The following NECAP1 variants were observed in gnomAD, a reference collection of about 807,000 sequenced individuals.
The protein encoded by NECAP1 is adaptin ear-binding coat-associated protein 1.
In NECAP1, 13 loss-of-function variants were observed where a neutral mutation model predicts 33.4. That is an observed-to-expected ratio of 0.39 (90% confidence interval 0.25 to 0.62). The LOEUF (loss-of-function observed/expected upper bound fraction) is 0.62. Ranked by LOEUF, NECAP1 falls within the 20% of genes least tolerant of loss-of-function variation. The pLI is 0.52. For synonymous variants in NECAP1, 109 were observed against 125.2 expected, an observed-to-expected ratio of 0.87 and a Z score of 0.86; for missense variants, 272 against 347.4, an observed-to-expected ratio of 0.78 and a Z score of 1.73.
In NECAP1 at chr12:8,082,311, A is replaced by T. The variant is rs1239591761; in HGVS notation, c.23A>T (p.Glu8Val). The change falls in exon 1 of 8, where the codon GAG becomes GTG. Residue 8 changes from glutamate to valine, a missense_variant. Transcript: ENST00000339754. ...AAGATGGCGACCGAGTTGGAGTACG[A>T]GTCTGTGCTGTGTGTGAAGCCAGAC... MATELEYESVLCVKPDVS... is the reference protein window; with the variant it reads MATELEYVSVLCVKPDVS... 1 of 1,612,444 alleles carries T rather than the reference A, an allele frequency of 6.2e-7. No individual in the cohort carries two copies. The highest frequency in any genetic ancestry group is 8.5e-7 in the Non-Finnish European group (1 of 1,178,578).
intron 1 of NECAP1, among the ~76,000 whole-genome samples, chr12:8,085,237 C>T (rs923278443): frequency 1.3e-5 from 2 of 152,192 alleles, no homozygotes; most frequent in African/African-American, 4.8e-5. Flanking sequence ...CCAGGCTGGT[C>T]TCAAACTCTT....
At chr12:8,088,802 T>C (rs1947515547) in intron 1 of NECAP1, 1 of 152,252 alleles carries the variant, frequency 6.6e-6, no homozygotes, top group Admixed American at 6.5e-5. Flanking sequence ...TGCTTCCTTG[T>C]TGTCTCTCAA....
intron 1 of NECAP1, among the ~76,000 whole-genome samples, chr12:8,085,607 C>T (rs898060984): frequency 4.0e-5 from 6 of 151,708 alleles, no homozygotes; most frequent in African/African-American, 1.5e-4. Context: ...GGCAAATCAC[C>T]ACTTTTGAAT....
At chr12:8,087,672 C>T (rs1241514444) in intron 1 of NECAP1, among the ~76,000 whole-genome samples, 3 of 151,848 alleles carry the variant, frequency 2.0e-5, no homozygotes, top group Admixed American at 6.6e-5. Flanking sequence ...TAGGCGTGAG[C>T]CACGGTGCCT....
chr12:8,086,483 G>A (rs1026326866), intron 1 of NECAP1, among the ~76,000 whole-genome samples: 2 of 151,680 alleles, frequency 1.3e-5, no homozygotes, highest in East Asian at 1.9e-4. Flanking sequence ...CCGTGGTGGC[G>A]CACACCTGTA....
chr12:8,094,449 A>G (rs1020092173), intron 6 of NECAP1, among the ~76,000 whole-genome samples: 3 of 151,540 alleles, frequency 2.0e-5, no homozygotes, highest in African/African-American at 7.3e-5. Flanking sequence ...GTGGATCTGT[A>G]TATTTAGTTC....
In NECAP1 at chr12:8,088,176, C is replaced by T. The variant is rs778054326; in HGVS notation, c.96-1760C>T. ...TATAAATTTCTGATGTTTTCATGGC[C>T]GTTTGTATCTCCAGCCCAGATGTCT... On this transcript the variant is annotated intron_variant, in intron 1 of 7. Coordinates refer to ENST00000339754, the MANE Select transcript of NECAP1 (RefSeq NM_015509.4). Among the ~76,000 whole-genome samples, 86 of 152,200 alleles carry T rather than the reference C, an allele frequency of 5.7e-4. 1 individual carries two copies. Among genetic ancestry groups the T allele is most frequent in the Admixed American group, 2.8e-3 (43 of 15,278 alleles).
Position 8,093,046 on chromosome 12 carries a change from A to C in NECAP1, c.667A>C (p.Ser223Arg). Residue 223 changes from serine (S) to arginine (R), a missense_variant, in exon 6 of 8, where the codon AGT becomes CGT. Transcript: ENST00000339754. Reference sequence around the variant, plus strand: ...CATTCCGAAATCTAACCATGGAGGCAGTGATGCAGGTAAATCTAGTACTTC... The same window carrying C: ...CATTCCGAAATCTAACCATGGAGGCCGTGATGCAGGTAAATCTAGTACTTC... ...PPIPKSNHGG[S>R]DADILLDLDS... The C allele has an allele frequency of 6.2e-7, 1 of 1,614,006 alleles. No homozygotes were observed. The highest frequency in any genetic ancestry group is 1.1e-5 in the South Asian group (1 of 91,076).
At chr12:8,092,631 C>T in intron 4 of NECAP1, 45 bp from the exon 5 acceptor site, 1 of 1,471,838 alleles carries the variant, frequency 6.8e-7, no homozygotes, top group Non-Finnish European at 9.4e-7. Flanking sequence ...TCAGACTCTG[C>T]TTTCAGGAAA....
Position 8,096,058 on chromosome 12 carries a change from G to A in NECAP1, c.796G>A (p.Ala266Thr). Residue 266 changes from alanine to threonine, a missense_variant, in exon 8 of 8, where the codon GCA becomes ACA. Ala to Thr is a moderately conservative substitution (Grantham distance 58, BLOSUM62 0). Transcript: ENST00000339754. ...GTCTTGCAGCTCTGTTCCAAACCAG[G>A]CACCACAGCCATCCAACTGGGTCCA... ...STASSSVPNQAPQPSNWVQF is the reference protein window; with the variant it reads ...STASSSVPNQTPQPSNWVQF 6.2e-7 allele frequency: 1 copy of A among 1,614,112 alleles called. No individual in the cohort carries two copies. The highest frequency in any genetic ancestry group is 8.5e-7 in the Non-Finnish European group (1 of 1,180,008).
intron 1 of NECAP1, among the ~76,000 whole-genome samples, chr12:8,083,958 T>G (rs1206789470): frequency 3.9e-5 from 6 of 151,976 alleles, no homozygotes; most frequent in Non-Finnish European, 7.4e-5. Flanking sequence ...CCCAGGCTGG[T>G]CTCGAACTCC....
At chr12:8,085,323 C>T (rs1227273227) in intron 1 of NECAP1, among the ~76,000 whole-genome samples, 1 of 152,050 alleles carries the variant, frequency 6.6e-6, no homozygotes. Context: ...CGGCCTACTT[C>T]AAGCTTTTTA....
rs973276006 is a variant in NECAP1, at chr12:8,096,294, T to G, written c.*204T>G. The G allele has an allele frequency of 1.8e-6, 1 of 554,378 alleles. No individual in the cohort carries two copies. Among genetic ancestry groups the G allele is most frequent in the Non-Finnish European group, 3.2e-6 (1 of 313,708 alleles). 34.3% of individuals were successfully genotyped at this position (554,378 alleles called of 1,614,324 possible). A position where few individuals can be genotyped will look rare whatever the true frequency, so the allele number is the denominator to read the frequency against. On this transcript the variant is annotated 3_prime_UTR_variant, in exon 8 of 8. Transcript: ENST00000339754. ...TGTACAGCCAAGAAAGTATCTGTTA[T>G]CTCCTGCGTAGTACCAAGGTAGGGG...
chr12:8,093,846 G>A (rs1001157034), intron 6 of NECAP1: 37 of 152,220 alleles, frequency 2.4e-4, no homozygotes, highest in Non-Finnish European at 4.4e-5. Context: ...TTGGAACATA[G>A]TAGGCATTTA....
intron 6 of NECAP1, chr12:8,093,758 TAAATA>T (rs572648929): frequency 7.9e-5 from 12 of 151,760 alleles, no homozygotes; most frequent in Middle Eastern, 3.4e-3. Flanking sequence ...AATAAATAAA[TAAATA>T]AATAGATAAA....
intron 7 of NECAP1, 50 bp from the exon 8 acceptor site, chr12:8,095,992 T>C (rs948602802): frequency 1.9e-6 from 3 of 1,601,608 alleles, no homozygotes; most frequent in African/African-American, 2.7e-5. Flanking sequence ...AGAATGGAGT[T>C]GTTATCCTAA....
At chr12:8,082,646 C>T (rs1026233333) in intron 1 of NECAP1, 38 of 441,482 alleles carry the variant, frequency 8.6e-5, no homozygotes, top group Non-Finnish European at 1.4e-4. Context: ...TCCCGTAATC[C>T]CCTGGGGCAC....
chr12:8,092,625 A>G, intron 4 of NECAP1, 51 bp from the exon 5 acceptor site: 1 of 1,399,902 alleles, frequency 7.1e-7, no homozygotes, highest in South Asian at 1.3e-5. Flanking sequence ...TGTATGTCAG[A>G]CTCTGCTTTC....
rs760167449 is a variant in NECAP1, at chr12:8,092,952, A to G, written c.573A>G (p.Pro191=). The G allele has an allele frequency of 3.1e-6, 5 of 1,607,458 alleles. No homozygotes were observed. The Admixed American group carries it at 6.8e-5, about 22-fold the overall frequency. Residue 191 remains proline (P), a synonymous_variant, in exon 6 of 8, where the codon CCA becomes CCG. Transcript: ENST00000339754. ...GTCTGAGCTTACTCCCACCCCCGCC[A>G]GGAGGCAAAGTCACTATTCCCCCAC... ...GGGLSLLPPP[P]GGKVTIPPPS...
Sources: allele counts gnomAD v4.1 joint callset (sites outside exome capture counted in the v4.1 genomes callset), GRCh38; gene constraint gnomAD v4.1.1; transcripts MANE v1.5; gene names NCBI Gene and HGNC (gene_info 2026-07-23, HGNC 2026-07-21).